OR7C1: variants seen among roughly 807,000 people sequenced by gnomAD.
The protein encoded by OR7C1 is olfactory receptor 7C1.
For missense variants in OR7C1, 324 were observed against 383.3 expected, an observed-to-expected ratio of 0.85 and a Z score of 1.29; for synonymous variants, 152 against 160.7, an observed-to-expected ratio of 0.95 and a Z score of 0.41.
rs75470179 is a variant in OR7C1 at position 14,801,656 on chromosome 19, A to T, written c.-434-892T>A. Reference sequence around the variant, plus strand: ...GTCCATTCTCACGCTGCTGTAAAGAACTACCCGAGACTGGGTAATTTATGA... The same window carrying T: ...GTCCATTCTCACGCTGCTGTAAAGATCTACCCGAGACTGGGTAATTTATGA... On this transcript the variant is annotated intron_variant, in intron 2 of 4. Coordinates refer to ENST00000641666, the Ensembl canonical transcript of OR7C1. Among the ~76,000 whole-genome samples the T allele has an allele frequency of 2.8e-4, 43 of 152,326 alleles. No homozygotes were observed. The East Asian group carries it at 7.7e-3, about 27-fold the overall frequency.
intron 1 of OR7C1, among the ~76,000 whole-genome samples, chr19:14,817,707 T>C (rs2044722128): frequency 6.6e-6 from 1 of 152,206 alleles, no homozygotes; most frequent in Non-Finnish European, 1.5e-5. Context: ...TATTTCATAA[T>C]CAATCTATTT....
At chr19:14,827,235 T>G in intron 1 of OR7C1, 1 of 1,486,964 alleles carries the variant, frequency 6.7e-7, no homozygotes, top group Non-Finnish European at 8.9e-7. Flanking sequence ...TTCCACTATC[T>G]GATTGAAGAA....
intron 1 of OR7C1, chr19:14,828,261 G>C (rs763533296): frequency 1.1e-5 from 16 of 1,432,846 alleles, no homozygotes; most frequent in Non-Finnish European, 1.4e-5. Context: ...GTGACTATCA[G>C]AGAGAGAGAG....
chr19:14,800,309 T>C, exon 4 of OR7C1: 1 of 703,486 alleles, frequency 1.4e-6, no homozygotes, highest in Non-Finnish European at 2.3e-6. Flanking sequence ...TCCTTTTCTT[T>C]GCTACCATCG....
At chr19:14,824,953 T>C (rs1006468823) in intron 1 of OR7C1, 2 of 152,158 alleles carry the variant, frequency 1.3e-5, no homozygotes, top group African/African-American at 4.8e-5. Flanking sequence ...TGACCAGGTG[T>C]GGTGGTGGTT....
At chr19:14,830,353 C>A (rs1258022489) in intron 1 of OR7C1, among the ~76,000 whole-genome samples, 2 of 151,876 alleles carry the variant, frequency 1.3e-5, no homozygotes, top group Admixed American at 1.3e-4. Flanking sequence ...TTAAACAGAC[C>A]CCAGTAAGGA....
At chr19:14,833,930 T>C (rs778360239) in intron 1 of OR7C1, among the ~76,000 whole-genome samples, 9 of 152,158 alleles carry the variant, frequency 5.9e-5, no homozygotes, top group Non-Finnish European at 7.3e-5. Flanking sequence ...TGTCATAATG[T>C]CTTGTGGAAA....
intron 2 of OR7C1, among the ~76,000 whole-genome samples, chr19:14,801,807 G>A (rs956473082): frequency 1.3e-5 from 2 of 152,218 alleles, no homozygotes; most frequent in East Asian, 1.9e-4. Flanking sequence ...GAGAGAGAGC[G>A]CGCGCTAAGG....
intron 1 of OR7C1, among the ~76,000 whole-genome samples, chr19:14,818,037 G>A (rs1439119917): frequency 1.3e-5 from 2 of 149,570 alleles, no homozygotes; most frequent in Admixed American, 6.7e-5. Context: ...TGCCACAGCA[G>A]TTAATAAGTC....
Position 14,827,590 on chromosome 19 carries a change from A to G in OR7C1, c.-623+7484T>C, listed in dbSNP as rs761444120. On this transcript the variant is annotated intron_variant, in intron 1 of 4. Coordinates refer to ENST00000641666, the Ensembl canonical transcript of OR7C1. ...TGTATGGAAGAAATTATCTTAGAGT[A>G]AGAGTAAAGGATCCCAGTCAGGGGA... 9.3e-6 allele frequency: 15 copies of G among 1,614,082 alleles called. No individual in the cohort carries two copies. The Admixed American group carries it at 1.3e-4, about 14-fold the overall frequency.
chr19:14,802,815 A>G (rs2044648126), intron 2 of OR7C1, among the ~76,000 whole-genome samples: 1 of 152,190 alleles, frequency 6.6e-6, no homozygotes, highest in Non-Finnish European at 1.5e-5. Flanking sequence ...TGTCTGGGGT[A>G]AATACCCAAG....
chr19:14,823,029 T>C (rs2044748545), intron 1 of OR7C1, among the ~76,000 whole-genome samples: 1 of 152,230 alleles, frequency 6.6e-6, no homozygotes, highest in South Asian at 2.1e-4. Context: ...CCCACTTGTC[T>C]ATTTTCACTT....
intron 1 of OR7C1, among the ~76,000 whole-genome samples, chr19:14,828,631 C>A (rs999210061): frequency 6.6e-6 from 1 of 151,646 alleles, no homozygotes; most frequent in South Asian, 2.1e-4. Flanking sequence ...TAGTGGCATG[C>A]GCCTGTAGTC....
exon 5 of OR7C1, chr19:14,799,117 G>A: frequency 6.5e-7 from 1 of 1,531,922 alleles, no homozygotes; most frequent in Non-Finnish European, 8.8e-7. Flanking sequence ...ATACATTGAT[G>A]TTTGGATACA....
intron 1 of OR7C1, among the ~76,000 whole-genome samples, chr19:14,818,284 TG>T (rs1215455771): frequency 2.0e-5 from 3 of 151,922 alleles, no homozygotes; most frequent in Non-Finnish European, 4.4e-5. Flanking sequence ...TTAGTAGAGA[TG>T]GGGTTTCACC....
chr19:14,812,060 C>A (rs772316588), intron 1 of OR7C1, among the ~76,000 whole-genome samples: 4 of 150,156 alleles, frequency 2.7e-5, no homozygotes, highest in African/African-American at 5.0e-5. Flanking sequence ...GTGACTGGGG[C>A]AGCTCTGCTT....
At chr19:14,799,575 C>G (rs372687477) in exon 5 of OR7C1, 1 of 1,614,126 alleles carries the variant, frequency 6.2e-7, no homozygotes, top group South Asian at 1.1e-5. Context: ...TCAGAACAGG[C>G]GAGCTTCAGG....
rs10426040 is a variant in OR7C1 at position 14,831,754 on chromosome 19, T to A, written c.-623+3320A>T. ...CACCGCGCCTGGCCTATTTTATTTT[T>A]TTTTTGCTACTTGTGGACTTTGAAT... On this transcript the variant is annotated intron_variant, in intron 1 of 4. Coordinates refer to ENST00000641666, the Ensembl canonical transcript of OR7C1. Among the ~76,000 whole-genome samples, 160 of 100,508 alleles carry A rather than the reference T, an allele frequency of 1.6e-3. 1 individual carries two copies. The South Asian group carries it at 0.043, about 27-fold the overall frequency. 65.9% of individuals were successfully genotyped at this position (100,508 alleles called of 152,430 possible).
At chr19:14,814,345 T>A (rs1249065088) in intron 1 of OR7C1, among the ~76,000 whole-genome samples, 1 of 147,988 alleles carries the variant, frequency 6.8e-6, no homozygotes. Context: ...AAAACATATA[T>A]CCTGATATTA....
Sources: allele counts gnomAD v4.1 joint callset (sites outside exome capture counted in the v4.1 genomes callset), GRCh38; gene constraint gnomAD v4.1.1; transcripts MANE v1.5; gene names NCBI Gene and HGNC (gene_info 2026-07-23, HGNC 2026-07-21).